TRMT10B: variants seen among roughly 807,000 people sequenced by gnomAD.
The protein encoded by TRMT10B is tRNA methyltransferase 10 homolog B.
A neutral mutation model predicts 43.8 loss-of-function variants in TRMT10B; 33 were observed. The observed-to-expected ratio is 0.75, with a 90% CI of 0.57 to 1.01. The LOEUF (loss-of-function observed/expected upper bound fraction) is 1.01. TRMT10B is among the 50% of genes least tolerant of loss of function. The pLI, the probability that TRMT10B is intolerant of heterozygous loss-of-function variation, is 0.00. For missense variants in TRMT10B, 362 were observed against 369.8 expected, an observed-to-expected ratio of 0.98 and a Z score of 0.17; for synonymous variants, 137 against 130.6, an observed-to-expected ratio of 1.05 and a Z score of -0.34.
chr9:37,777,134 C>T (rs1182417366), intron 8 of TRMT10B, among the ~76,000 whole-genome samples: 1 of 118,920 alleles, frequency 8.4e-6, no homozygotes, highest in African/African-American at 3.3e-5. Flanking sequence ...GTGCAGGTTG[C>T]GGTGAGCTGA....
At chr9:37,765,387 T>TA (rs759826760) in intron 4 of TRMT10B, among the ~76,000 whole-genome samples, 21 of 152,190 alleles carry the variant, frequency 1.4e-4, no homozygotes, top group Non-Finnish European at 2.6e-4. Context: ...CTGAGAATGA[T>TA]AGTTTCCAGC....
chr9:37,763,137 C>T (rs1826557041), intron 3 of TRMT10B, among the ~76,000 whole-genome samples: 1 of 103,204 alleles, frequency 9.7e-6, no homozygotes. Flanking sequence ...GAGTGAGACT[C>T]TGTCTCAAAA....
At chr9:37,773,906 A>G (rs1003101442) in intron 7 of TRMT10B, among the ~76,000 whole-genome samples, 2 of 150,404 alleles carry the variant, frequency 1.3e-5, no homozygotes, top group African/African-American at 2.5e-5. Context: ...AACTGTGGTC[A>G]CACCACTGCA....
upstream of TRMT10B, chr9:37,753,765 C>G (rs10973523): frequency 0.16 from 24,389 of 152,226 alleles, 2,129 homozygotes; most frequent in South Asian, 0.23. Context: ...GAATGCCATT[C>G]GGAGCGGAGT....
chr9:37,759,340 CAA>C (rs1321417859), intron 1 of TRMT10B, among the ~76,000 whole-genome samples: 1 of 152,132 alleles, frequency 6.6e-6, no homozygotes, highest in Non-Finnish European at 1.5e-5. Context: ...GTATAAGTCT[CAA>C]ATATTTTGAG....
rs1406394209 is a variant in TRMT10B at position 37,769,311 on chromosome 9, A to G, written c.574-630A>G. 3.8e-5 allele frequency among the ~76,000 whole-genome samples: 3 copies of G among 78,036 alleles called. No homozygotes were observed. In the East Asian group the frequency reaches 1.4e-3, roughly 38 times the overall value. 51.2% of individuals were successfully genotyped at this position (78,036 alleles called of 152,430 possible). A position where few individuals can be genotyped will look rare whatever the true frequency, so the allele number is the denominator to read the frequency against. On this transcript the variant is annotated intron_variant, in intron 5 of 8. Coordinates refer to ENST00000297994, the MANE Select transcript of TRMT10B (RefSeq NM_144964.4). The stretch of plus-strand genomic sequence containing the variant: ...TGACAGAGCCAGACCCTGTCTTTAA[A>G]AAAAAAAAAAAAAAAAAAAAAAAAA...
upstream of TRMT10B, among the ~76,000 whole-genome samples, chr9:37,753,151 C>T (rs1031664402): frequency 3.1e-4 from 47 of 151,834 alleles, no homozygotes; most frequent in African/African-American, 1.1e-3. Context: ...ACTCCTGAAG[C>T]TAGCGAGACC....
At chr9:37,770,129 A>C (rs1056672953) in intron 6 of TRMT10B, 110 bp downstream of exon 6, 19 of 936,182 alleles carry the variant, frequency 2.0e-5, no homozygotes, top group Non-Finnish European at 3.1e-5. Flanking sequence ...CCCCACCCCC[A>C]CAAAAAGTAA....
chr9:37,768,008 A>G (rs1392409236), intron 4 of TRMT10B, 68 bp from the exon 5 acceptor site: 6 of 1,584,060 alleles, frequency 3.8e-6, no homozygotes, highest in Non-Finnish European at 5.2e-6. Context: ...TATTGTAGCC[A>G]TTTCTTGATA....
At chr9:37,753,229 G>T (rs114399798), upstream of TRMT10B, among the ~76,000 whole-genome samples, 1 of 152,202 alleles carries the variant, frequency 6.6e-6, no homozygotes, top group South Asian at 2.1e-4. Context: ...GCGATGGTCC[G>T]CGGTTTCATT....
In TRMT10B at chr9:37,754,568, C is replaced by G. The variant is rs115483156; in HGVS notation, c.-30+716C>G. Among the ~76,000 whole-genome samples, 560 of 152,146 alleles carry G rather than the reference C, an allele frequency of 3.7e-3. 5 individuals carry two copies. Among genetic ancestry groups the G allele is most frequent in the African/African-American group, 0.013 (542 of 41,504 alleles). ...TTAGGATGCTCACAGGGCTCGGGTA[C>G]TGAGGGTGTACAGGTGAATTCTTCC... is the stretch of plus-strand genomic sequence containing the variant. On this transcript the variant is annotated intron_variant, in intron 1 of 8. Transcript: ENST00000297994.
At chr9:37,754,584 GAATTCTTCC>G (rs1825408369) in intron 1 of TRMT10B, among the ~76,000 whole-genome samples, 1 of 152,072 alleles carries the variant, frequency 6.6e-6, no homozygotes, top group African/African-American at 2.4e-5. Context: ...GTGTACAGGT[GAATTCTTCC>G]AATTCTTCCC....
Position 37,762,134 on chromosome 9 carries a change from C to T in TRMT10B, c.186+17C>T. 1 of 1,605,024 alleles carries T rather than the reference C, an allele frequency of 6.2e-7. No individual in the cohort carries two copies. The highest frequency in any genetic ancestry group is 8.5e-7 in the Non-Finnish European group (1 of 1,174,216). Reference sequence around the variant, plus strand: ...TGGTGCTCGGTGAGTGCGTGAATTGCCTGGCCATAGGCCTTGAATGATGGA... The same window carrying T: ...TGGTGCTCGGTGAGTGCGTGAATTGTCTGGCCATAGGCCTTGAATGATGGA... On this transcript the variant is annotated intron_variant, in intron 2 of 8. Transcript: ENST00000297994.
intron 1 of TRMT10B, among the ~76,000 whole-genome samples, chr9:37,755,896 AG>A (rs1825616475): frequency 6.6e-6 from 1 of 150,506 alleles, no homozygotes; most frequent in Non-Finnish European, 1.5e-5. Flanking sequence ...AGGTAAATGT[AG>A]GTATAAGCCC....
intron 1 of TRMT10B, among the ~76,000 whole-genome samples, chr9:37,759,400 A>G (rs894232262): frequency 6.6e-6 from 1 of 152,254 alleles, no homozygotes; most frequent in Non-Finnish European, 1.5e-5. Flanking sequence ...GCATCTATTT[A>G]TATGAAGTTG....
rs768036869 is a variant in TRMT10B at position 37,768,031 on chromosome 9, T to G, written c.421-45T>G. The G allele has an allele frequency of 3.1e-6, 5 of 1,603,902 alleles. No individual in the cohort carries two copies. In the East Asian group the frequency reaches 6.7e-5, roughly 22 times the overall value. ...CCATTTCTTGATAGCTAATTTAGAG[T>G]GAGTTGGCATGTTTTTGCCCTGAGT... On this transcript the variant is annotated intron_variant, in intron 4 of 8. Coordinates refer to ENST00000297994, the MANE Select transcript of TRMT10B (RefSeq NM_144964.4).
Position 37,778,062 on chromosome 9 carries a change from T to C in TRMT10B, c.*355T>C. ...CAGGAGTGAGGCGCTTGGAGGTACC[T>C]TGACCCAAAGAGCAGGGCAGAGGGT... is the stretch of plus-strand genomic sequence containing the variant. On this transcript the variant is annotated 3_prime_UTR_variant, in exon 9 of 9. Coordinates refer to ENST00000297994, the MANE Select transcript of TRMT10B (RefSeq NM_144964.4). 1 of 201,290 alleles carries C rather than the reference T, an allele frequency of 5.0e-6. No individual in the cohort carries two copies. The highest frequency in any genetic ancestry group is 1.0e-5 in the Non-Finnish European group (1 of 97,640). The allele number at this position is 201,290 out of a possible 1,614,324, so 12.5% of individuals were successfully genotyped here.
chr9:37,762,244 A>C, intron 2 of TRMT10B, 127 bp downstream of exon 2: 1 of 1,138,522 alleles, frequency 8.8e-7, no homozygotes, highest in Non-Finnish European at 1.2e-6. Context: ...TGAGTGATGA[A>C]TTTTCTGCTA....
chr9:37,777,873 C>T lies in TRMT10B; in HGVS notation c.*166C>T, dbSNP rs1401488217. The T allele has an allele frequency of 1.0e-4, 52 of 517,076 alleles. No homozygotes were observed. The Admixed American group carries it at 1.4e-3, about 14-fold the overall frequency. The allele number at this position is 517,076 out of a possible 1,614,324, so 32.0% of individuals were successfully genotyped here. On this transcript the variant is annotated 3_prime_UTR_variant, in exon 9 of 9. Transcript: ENST00000297994. ...TACAAAAATTAGCCAGGTGTGGTGG[C>T]GCATACCTGTAGTCCCAGCTACTTG...
Sources: allele counts gnomAD v4.1 joint callset (sites outside exome capture counted in the v4.1 genomes callset), GRCh38; gene constraint gnomAD v4.1.1; transcripts MANE v1.5; gene names NCBI Gene and HGNC (gene_info 2026-07-23, HGNC 2026-07-21).